RARS2: variants seen among roughly 807,000 people sequenced by gnomAD.
RARS2 encodes the protein arginyl-tRNA synthetase 2, mitochondrial.
Under a neutral mutation model 88.5 loss-of-function variants are expected in RARS2, and 67 were observed. The observed-to-expected ratio is 0.76, with a 90% CI of 0.62 to 0.93. RARS2 has a LOEUF of 0.93. Ranked by LOEUF, RARS2 falls within the 40% of genes least tolerant of loss-of-function variation. The probability of loss-of-function intolerance (pLI) is 0.00; values close to 1 mark genes in which losing one functional copy is unlikely to be tolerated. For missense variants in RARS2, 664 were observed against 684.2 expected, an observed-to-expected ratio of 0.97 and a Z score of 0.33; for synonymous variants, 239 against 230.3, an observed-to-expected ratio of 1.04 and a Z score of -0.34.
At chr6:87,567,824 T>G (rs1486728730) in intron 2 of RARS2, among the ~76,000 whole-genome samples, 2 of 152,160 alleles carry the variant, frequency 1.3e-5, no homozygotes, top group Non-Finnish European at 2.9e-5. Flanking sequence ...CAGGCTGGAG[T>G]GCAGTGGCGA....
At chr6:87,552,053 T>C (rs919904095) in intron 5 of RARS2, among the ~76,000 whole-genome samples, 1 of 152,158 alleles carries the variant, frequency 6.6e-6, no homozygotes, top group Non-Finnish European at 1.5e-5. Flanking sequence ...ACAAAATATA[T>C]GACAACCTAC....
At chr6:87,548,472 ATAAATT>A (rs887785373) in intron 6 of RARS2, 113 bp downstream of exon 6, 314 of 986,484 alleles carry the variant, frequency 3.2e-4, no homozygotes, top group Non-Finnish European at 3.7e-4. Context: ...GGAGGCTCAT[ATAAATT>A]TAAACTTTTT....
intron 1 of RARS2, among the ~76,000 whole-genome samples, chr6:87,580,641 A>C (rs1216882467): frequency 6.6e-6 from 1 of 151,760 alleles, no homozygotes; most frequent in Non-Finnish European, 1.5e-5. Context: ...TGTAGAGATG[A>C]AGTCTCACTA....
intron 5 of RARS2, among the ~76,000 whole-genome samples, chr6:87,548,957 T>C (rs112049506): frequency 6.6e-6 from 1 of 152,212 alleles, no homozygotes; most frequent in Non-Finnish European, 1.5e-5. Flanking sequence ...CTCATGCCTG[T>C]AATCTCAGCA....
At chr6:87,524,429 AG>A (rs1774990840) in intron 11 of RARS2, 127 bp downstream of exon 11, 1 of 787,234 alleles carries the variant, frequency 1.3e-6, no homozygotes. Context: ...GAAGTACTTC[AG>A]TTTTACAGTT....
intron 18 of RARS2, among the ~76,000 whole-genome samples, chr6:87,515,385 T>C (rs1414929525): frequency 6.6e-6 from 1 of 151,986 alleles, no homozygotes; most frequent in African/African-American, 2.4e-5. Flanking sequence ...CCGGGCGTGG[T>C]GGCATGCGCC....
intron 1 of RARS2, among the ~76,000 whole-genome samples, chr6:87,588,980 A>G (rs1776096052): frequency 6.6e-6 from 1 of 152,212 alleles, no homozygotes; most frequent in African/African-American, 2.4e-5. Flanking sequence ...TATTTGGCGA[A>G]TTATCACCGG....
intron 4 of RARS2, among the ~76,000 whole-genome samples, chr6:87,558,808 A>G (rs1468356035): frequency 1.3e-5 from 2 of 152,256 alleles, no homozygotes; most frequent in African/African-American, 2.4e-5. Flanking sequence ...TTAACCTACT[A>G]TATTTAAAAT....
At chr6:87,563,688 G>A (rs1039583906) in intron 3 of RARS2, among the ~76,000 whole-genome samples, 5 of 152,128 alleles carry the variant, frequency 3.3e-5, no homozygotes, top group Admixed American at 3.3e-4. Context: ...AATGAAAGAG[G>A]CTTATTAAAT....
rs1582221192 is a variant in RARS2 at position 87,514,825 on chromosome 6, A to G, written c.1650+132T>C. 26 of 782,092 alleles carry G rather than the reference A, an allele frequency of 3.3e-5. No homozygotes were observed. The East Asian group carries it at 6.8e-4, about 20-fold the overall frequency. 48.4% of individuals were successfully genotyped at this position (782,092 alleles called of 1,614,324 possible). On this transcript the variant is annotated intron_variant, in intron 19 of 19. Transcript: ENST00000369536. ...ATATACACATTGATTGTTACAGCCTAATTATTAGCTAAGGAAGTATACTGC... is the reference window on the plus strand; with the variant it reads ...ATATACACATTGATTGTTACAGCCTGATTATTAGCTAAGGAAGTATACTGC...
chr6:87,573,617 A>C (rs1770489830), intron 1 of RARS2, among the ~76,000 whole-genome samples: 1 of 152,166 alleles, frequency 6.6e-6, no homozygotes, highest in Non-Finnish European at 1.5e-5. Flanking sequence ...AATGTACCTA[A>C]TGCCACTGAA....
At chr6:87,544,609 A>AT (rs970442159) in intron 7 of RARS2, among the ~76,000 whole-genome samples, 45 of 151,950 alleles carry the variant, frequency 3.0e-4, no homozygotes, top group African/African-American at 3.9e-4. Flanking sequence ...GTAACAACAG[A>AT]TTTTTTTTTA....
intron 1 of RARS2, among the ~76,000 whole-genome samples, chr6:87,580,628 T>G (rs1773203594): frequency 6.6e-6 from 1 of 151,942 alleles, no homozygotes; most frequent in East Asian, 1.9e-4. Context: ...TTTTTCAGAT[T>G]TTTGTAGAGA....
chr6:87,569,234 G>T (rs1466301054), intron 2 of RARS2, among the ~76,000 whole-genome samples: 2 of 152,112 alleles, frequency 1.3e-5, no homozygotes, highest in Non-Finnish European at 2.9e-5. Context: ...AATTGAATTT[G>T]AACCTCATTC....
intron 4 of RARS2, among the ~76,000 whole-genome samples, chr6:87,561,142 CAG>C (rs1437438927): frequency 6.6e-6 from 1 of 152,048 alleles, no homozygotes; most frequent in Non-Finnish European, 1.5e-5. Context: ...GTGAGAAAAA[CAG>C]ATGCTATAAG....
intron 16 of RARS2, 89 bp from the exon 17 acceptor site, chr6:87,518,353 T>C: frequency 6.3e-7 from 1 of 1,596,568 alleles, no homozygotes; most frequent in Non-Finnish European, 8.5e-7. Context: ...GACCTTATAA[T>C]ACACAATTTT....
chr6:87,557,133 C>T (rs1228275939), intron 4 of RARS2, among the ~76,000 whole-genome samples: 6 of 152,072 alleles, frequency 3.9e-5, no homozygotes, highest in African/African-American at 1.2e-4. Context: ...CTACAGTACC[C>T]GTTGTCTTTA....
chr6:87,533,659 C>A (rs1233836372), intron 8 of RARS2, among the ~76,000 whole-genome samples: 2 of 152,106 alleles, frequency 1.3e-5, no homozygotes, highest in African/African-American at 2.4e-5. Flanking sequence ...TCTCAGACTT[C>A]CTTAAAAAAA....
At position 87,516,874 on chromosome 6, in the gene RARS2, G is replaced by T. The variant is rs754538094; in HGVS notation, c.1518C>A (p.Asp506Glu). ...CCTGAGATGATTTATAAAGCACCTC[G>T]TCGAACCTAAAAGATGACAGGAACA... ...VSILQHLLRF[D>E]EVLYKSSQDF... Residue 506 changes from aspartate (D) to glutamate (E), a missense_variant, in exon 18 of 20, where the codon GAC (aspartate) becomes GAA (glutamate). Asp to Glu is a conservative substitution (Grantham distance 45, BLOSUM62 2). Transcript: ENST00000369536. The T allele has an allele frequency of 6.2e-7, 1 of 1,613,648 alleles. No homozygotes were observed. The highest frequency in any genetic ancestry group is 1.1e-5 in the South Asian group (1 of 91,074).
Sources: allele counts gnomAD v4.1 joint callset (sites outside exome capture counted in the v4.1 genomes callset), GRCh38; gene constraint gnomAD v4.1.1; transcripts MANE v1.5; gene names NCBI Gene and HGNC (gene_info 2026-07-23, HGNC 2026-07-21).